The following UNC5C variants were observed in gnomAD, a reference collection of about 807,000 sequenced individuals.
The protein encoded by UNC5C is unc-5 netrin receptor C.
In UNC5C, 47 loss-of-function variants were observed where a neutral mutation model predicts 99.8. The ratio of observed to expected loss-of-function variants is 0.47; its 90% CI spans 0.37 to 0.60. UNC5C has a LOEUF of 0.60. UNC5C is among the 20% of genes least tolerant of loss of function. The pLI, the probability that UNC5C is intolerant of heterozygous loss-of-function variation, is 0.00. For synonymous variants in UNC5C, 487 were observed against 452.2 expected (o/e 1.08, Z -0.98); for missense variants, 1,062 against 1,165.9 (o/e 0.91, Z 1.30).
intron 4 of UNC5C, among the ~76,000 whole-genome samples, chr4:95,259,960 C>T (rs1241054439): frequency 6.6e-6 from 1 of 152,130 alleles, no homozygotes; most frequent in East Asian, 1.9e-4. Flanking sequence ...CTCTCAGCCC[C>T]ATACCATGGC....
At chr4:95,397,274 G>A (rs1017013996) in intron 1 of UNC5C, among the ~76,000 whole-genome samples, 1 of 152,174 alleles carries the variant, frequency 6.6e-6, no homozygotes, top group African/African-American at 2.4e-5. Context: ...AAACAAAAAT[G>A]TCTAACAAAC....
At chr4:95,408,226 A>T (rs1348321437) in intron 1 of UNC5C, among the ~76,000 whole-genome samples, 1 of 152,212 alleles carries the variant, frequency 6.6e-6, no homozygotes, top group Non-Finnish European at 1.5e-5. Context: ...TAGGATATTC[A>T]GATGCTTCTG....
At chr4:95,490,290 G>A (rs1289569002) in intron 1 of UNC5C, among the ~76,000 whole-genome samples, 4 of 151,766 alleles carry the variant, frequency 2.6e-5, no homozygotes, top group Non-Finnish European at 5.9e-5. Flanking sequence ...ATTAAAAAGT[G>A]ACAACTCTAA....
At chr4:95,261,246 G>T (rs1740214883) in intron 4 of UNC5C, among the ~76,000 whole-genome samples, 1 of 152,068 alleles carries the variant, frequency 6.6e-6, no homozygotes, top group Non-Finnish European at 1.5e-5. Context: ...AAGCAGAGAG[G>T]TCCTTAGAAA....
chr4:95,191,835 TCTC>T (rs553870306), intron 12 of UNC5C, among the ~76,000 whole-genome samples: 1 of 106,456 alleles, frequency 9.4e-6, no homozygotes, highest in South Asian at 3.8e-4. Flanking sequence ...TGCTCACCTT[TCTC>T]CTCTGCTCAG....
chr4:95,356,215 A>G (rs1380423347), intron 1 of UNC5C, among the ~76,000 whole-genome samples: 1 of 75,316 alleles, frequency 1.3e-5, no homozygotes, highest in Non-Finnish European at 2.7e-5. Flanking sequence ...AAAAAAAACA[A>G]AACAAAAAAA....
Position 95,493,216 on chromosome 4 carries a change from G to A in UNC5C, c.124+55518C>T, listed in dbSNP as rs79807937. Among the ~76,000 whole-genome samples, 4 of 151,508 alleles carry A rather than the reference G, an allele frequency of 2.6e-5. No individual in the cohort carries two copies. In the East Asian group the frequency reaches 7.8e-4, roughly 30 times the overall value. On this transcript the variant is annotated intron_variant, in intron 1 of 15. Coordinates refer to ENST00000453304, the MANE Select transcript of UNC5C (RefSeq NM_003728.4). ...GGGCTGCAGCTATTAGGGATGAGATGTTCCGGGAGCTAGAATCTGAAGTCA... is the reference window on the plus strand; with the variant it reads ...GGGCTGCAGCTATTAGGGATGAGATATTCCGGGAGCTAGAATCTGAAGTCA...
chr4:95,487,799 C>A (rs890754130), intron 1 of UNC5C, among the ~76,000 whole-genome samples: 6 of 151,690 alleles, frequency 4.0e-5, no homozygotes, highest in African/African-American at 1.5e-4. Context: ...GGTAAGTTGG[C>A]AAGCAGCAAG....
chr4:95,334,131 C>A (rs1743234694), intron 2 of UNC5C, among the ~76,000 whole-genome samples: 1 of 151,952 alleles, frequency 6.6e-6, no homozygotes, highest in South Asian at 2.1e-4. Context: ...AAGAATATGT[C>A]CTACATGCTT....
In UNC5C at chr4:95,504,920, C is replaced by G. The variant is rs189108413; in HGVS notation, c.124+43814G>C. Among the ~76,000 whole-genome samples, 156 of 151,962 alleles carry G rather than the reference C, an allele frequency of 1.0e-3. 2 individuals are homozygous for G. The highest frequency in any genetic ancestry group is 0.01 in the Admixed American group (156 of 15,212). On this transcript the variant is annotated intron_variant, in intron 1 of 15. Transcript: ENST00000453304. ...ATGATATTAATTTTTATTTTTTATA[C>G]AATTGCTTTCATTAAAAAACTTCTA... is the stretch of plus-strand genomic sequence containing the variant.
intron 1 of UNC5C, among the ~76,000 whole-genome samples, chr4:95,442,822 A>G (rs1746990062): frequency 6.6e-6 from 1 of 151,190 alleles, no homozygotes; most frequent in Admixed American, 6.6e-5. Context: ...GCCAATACAC[A>G]CACACACACA....
chr4:95,361,494 G>A (rs1482313774), intron 1 of UNC5C, among the ~76,000 whole-genome samples: 1 of 152,180 alleles, frequency 6.6e-6, no homozygotes, highest in Non-Finnish European at 1.5e-5. Flanking sequence ...GTGCTGCTCT[G>A]TGCAGATGTG....
chr4:95,539,402 A>G (rs1289153340), intron 1 of UNC5C, among the ~76,000 whole-genome samples: 1 of 152,200 alleles, frequency 6.6e-6, no homozygotes, highest in African/African-American at 2.4e-5. Flanking sequence ...TCTCTTTGGA[A>G]ACTGGGGAAA....
intron 1 of UNC5C, among the ~76,000 whole-genome samples, chr4:95,433,690 A>G (rs557795804): frequency 6.6e-6 from 1 of 152,230 alleles, no homozygotes; most frequent in African/African-American, 2.4e-5. Flanking sequence ...TTTTTCATGC[A>G]ATATTTACAC....
At chr4:95,518,937 A>C (rs1180840368) in intron 1 of UNC5C, among the ~76,000 whole-genome samples, 10 of 152,116 alleles carry the variant, frequency 6.6e-5, no homozygotes, top group Admixed American at 6.5e-4. Context: ...TACTTCCCAA[A>C]GTGTCTTATT....
chr4:95,304,835 G>A (rs931448514), intron 2 of UNC5C, among the ~76,000 whole-genome samples: 5 of 152,214 alleles, frequency 3.3e-5, no homozygotes, highest in South Asian at 2.1e-4. Flanking sequence ...GTCCCAAGAT[G>A]ATAACTTCAG....
intron 1 of UNC5C, among the ~76,000 whole-genome samples, chr4:95,343,982 G>A (rs1306582523): frequency 2.6e-5 from 4 of 152,048 alleles, no homozygotes; most frequent in African/African-American, 9.7e-5. Flanking sequence ...AGAGTTATTG[G>A]CCTTAAAGAG....
intron 2 of UNC5C, among the ~76,000 whole-genome samples, chr4:95,331,326 T>A (rs530835833): frequency 6.6e-6 from 1 of 152,140 alleles, no homozygotes; most frequent in Non-Finnish European, 1.5e-5. Context: ...TTCCTTTGGG[T>A]AGATGCCAAG....
chr4:95,190,235 C>G (rs1269632153), intron 12 of UNC5C, among the ~76,000 whole-genome samples: 2 of 151,014 alleles, frequency 1.3e-5, no homozygotes, highest in South Asian at 2.1e-4. Flanking sequence ...TAAACTATCA[C>G]AAGAACAAAA....
Sources: gnomAD v4.1 joint callset for allele counts (sites outside exome capture counted in the v4.1 genomes callset) on GRCh38, gnomAD v4.1.1 for gene constraint, MANE v1.5 for transcripts, NCBI Gene and HGNC (gene_info 2026-07-23, HGNC 2026-07-21) for gene names.